The following PCDH9 variants were observed in gnomAD, a reference collection of about 807,000 sequenced individuals.
PCDH9 encodes protocadherin-9.
PCDH9 carries 24 observed loss-of-function variants against 70.6 expected under a neutral mutation model. The ratio of observed to expected loss-of-function variants is 0.34; its 90% CI spans 0.25 to 0.48. The LOEUF is 0.48. Ranked by LOEUF, PCDH9 falls within the 20% of genes least tolerant of loss-of-function variation. The probability of loss-of-function intolerance (pLI) is 0.99; values close to 1 mark genes in which losing one functional copy is unlikely to be tolerated. For synonymous variants in PCDH9, 562 were observed against 558.5 expected (o/e 1.01, Z -0.09); for missense variants, 1,281 against 1,503.6 (o/e 0.85, Z 2.45).
At chr13:66,801,770 AT>A (rs1402583411) in intron 3 of PCDH9, among the ~76,000 whole-genome samples, 5 of 152,126 alleles carry the variant, frequency 3.3e-5, no homozygotes, top group Admixed American at 6.6e-5. Flanking sequence ...AGGTTAAGAT[AT>A]ATTATTAAGC....
At chr13:67,121,085 G>C (rs2086869183) in intron 2 of PCDH9, among the ~76,000 whole-genome samples, 1 of 152,132 alleles carries the variant, frequency 6.6e-6, no homozygotes, top group Non-Finnish European at 1.5e-5. Context: ...TCACGCAAAT[G>C]ACTCAGCATA....
chr13:67,148,061 T>G (rs1174184754), intron 2 of PCDH9, among the ~76,000 whole-genome samples: 1 of 152,216 alleles, frequency 6.6e-6, no homozygotes, highest in African/African-American at 2.4e-5. Flanking sequence ...GGCTTCTTAG[T>G]GGTCCCCAGT....
chr13:67,083,890 C>G (rs2138190685), intron 2 of PCDH9, among the ~76,000 whole-genome samples: 2 of 152,120 alleles, frequency 1.3e-5, no homozygotes, highest in South Asian at 4.2e-4. Context: ...ATTTTCCAGC[C>G]CATGAAAATT....
At chr13:66,497,387 G>A (rs1235526122) in intron 4 of PCDH9, among the ~76,000 whole-genome samples, 1 of 152,040 alleles carries the variant, frequency 6.6e-6, no homozygotes, top group Non-Finnish European at 1.5e-5. Context: ...AGAATTGAGT[G>A]GCACTTACAA....
intron 4 of PCDH9, among the ~76,000 whole-genome samples, chr13:66,326,355 C>G (rs1324800860): frequency 1.4e-5 from 2 of 147,800 alleles, no homozygotes; most frequent in African/African-American, 5.0e-5. Flanking sequence ...ACATTGACAC[C>G]AGAACAATTT....
intron 3 of PCDH9, among the ~76,000 whole-genome samples, chr13:66,635,697 A>G (rs1187953239): frequency 6.6e-6 from 1 of 152,108 alleles, no homozygotes; most frequent in Non-Finnish European, 1.5e-5. Context: ...AGAAATCCCA[A>G]TCATTGCTTG....
chr13:66,397,516 G>A (rs1240141476), intron 4 of PCDH9, among the ~76,000 whole-genome samples: 4 of 148,770 alleles, frequency 2.7e-5, no homozygotes, highest in East Asian at 2.0e-4. Context: ...AATGTATGTC[G>A]ATATATATGT....
chr13:66,720,334 T>TG (rs1234535506), intron 3 of PCDH9, among the ~76,000 whole-genome samples: 1 of 149,736 alleles, frequency 6.7e-6, no homozygotes, highest in Non-Finnish European at 1.5e-5. Context: ...TTGTTTTTTT[T>TG]TTTTTTTTGG....
chr13:66,334,084 T>C (rs915204997), intron 4 of PCDH9, among the ~76,000 whole-genome samples: 5 of 152,118 alleles, frequency 3.3e-5, no homozygotes, highest in African/African-American at 1.2e-4. Context: ...GAAATATGCT[T>C]TATTGTTAAC....
At chr13:66,779,847 C>CTATATATATATA (rs1282944249) in intron 3 of PCDH9, among the ~76,000 whole-genome samples, 89 of 59,672 alleles carry the variant, frequency 1.5e-3, no homozygotes, top group African/African-American at 3.3e-3. Context: ...CTCTCTCTCT[C>CTATATATATATA]TCTATATATA....
chr13:66,423,546 C>A (rs982708042), intron 4 of PCDH9, among the ~76,000 whole-genome samples: 2 of 152,060 alleles, frequency 1.3e-5, no homozygotes, highest in African/African-American at 4.8e-5. Flanking sequence ...TAAACATAAT[C>A]CATCACATAA....
intron 2 of PCDH9, among the ~76,000 whole-genome samples, chr13:67,009,348 T>A (rs2084411225): frequency 6.6e-6 from 1 of 152,130 alleles, no homozygotes; most frequent in Non-Finnish European, 1.5e-5. Flanking sequence ...CTGTACTTAG[T>A]GCAAATTTCT....
intron 2 of PCDH9, among the ~76,000 whole-genome samples, chr13:67,067,163 T>A (rs1314912088): frequency 1.3e-5 from 2 of 152,164 alleles, no homozygotes; most frequent in African/African-American, 4.8e-5. Flanking sequence ...CATGCTATAT[T>A]TTCCTTCAAT....
At chr13:67,085,762 T>C (rs1333283158) in intron 2 of PCDH9, among the ~76,000 whole-genome samples, 1 of 152,174 alleles carries the variant, frequency 6.6e-6, no homozygotes, top group Non-Finnish European at 1.5e-5. Flanking sequence ...AAGCTTGACT[T>C]TGGACAAGGA....
chr13:66,915,579 T>A (rs1421233665), intron 2 of PCDH9, among the ~76,000 whole-genome samples: 1 of 151,626 alleles, frequency 6.6e-6, no homozygotes, highest in African/African-American at 2.4e-5. Context: ...AATCCTACAA[T>A]CCAGAATATT....
intron 4 of PCDH9, among the ~76,000 whole-genome samples, chr13:66,482,410 G>T (rs558423719): frequency 6.6e-6 from 1 of 152,150 alleles, no homozygotes; most frequent in African/African-American, 2.4e-5. Context: ...TCCAGGACAC[G>T]CAGGCCCCTC....
intron 2 of PCDH9, among the ~76,000 whole-genome samples, chr13:67,036,863 T>C (rs965186738): frequency 3.3e-5 from 5 of 152,200 alleles, no homozygotes; most frequent in African/African-American, 1.2e-4. Flanking sequence ...AGCGGAAGCC[T>C]TCGTGGTCTG....
At chr13:66,375,701 T>C (rs1207250800) in intron 4 of PCDH9, among the ~76,000 whole-genome samples, 1 of 152,098 alleles carries the variant, frequency 6.6e-6, no homozygotes, top group African/African-American at 2.4e-5. Flanking sequence ...TTTATAACCA[T>C]GAATTTAACT....
chr13:66,747,122 C>T lies in PCDH9; in HGVS notation c.3139-115711G>A, dbSNP rs993185070. Among the ~76,000 whole-genome samples the T allele has an allele frequency of 6.6e-5, 10 of 152,228 alleles. 1 individual carries two copies. Among genetic ancestry groups the T allele is most frequent in the South Asian group, 4.1e-4 (2 of 4,824 alleles). ...ATCCCAGCGCCTTGGGAGGCAGAGG[C>T]GGGTGGATCACGAGGTCAGGAGTTC... On this transcript the variant is annotated intron_variant, in intron 3 of 4. Coordinates refer to ENST00000377865, the MANE Select transcript of PCDH9 (RefSeq NM_203487.3).
Sources: allele counts gnomAD v4.1 joint callset (sites outside exome capture counted in the v4.1 genomes callset), GRCh38; gene constraint gnomAD v4.1.1; transcripts MANE v1.5; gene names NCBI Gene and HGNC (gene_info 2026-07-23, HGNC 2026-07-21).